The following PTK2 variants were observed in gnomAD, a reference collection of about 807,000 sequenced individuals.
PTK2 encodes the protein protein tyrosine kinase 2.
PTK2 carries 45 observed loss-of-function variants against 150.1 expected under a neutral mutation model. The ratio of observed to expected loss-of-function variants is 0.30; its 90% confidence interval spans 0.24 to 0.38. The LOEUF (loss-of-function observed/expected upper bound fraction) is 0.38, where lower values mean the gene tolerates loss of function less well. Among genes scored for constraint, PTK2 ranks in the 10% least tolerant of loss-of-function variants. PTK2 has a pLI of 1.00. For missense variants in PTK2, 919 were observed against 1,307.3 expected (o/e 0.70, Z 4.58); for synonymous variants, 432 against 449.2 (o/e 0.96, Z 0.48).
At chr8:140,807,765 A>G (rs955626243) in intron 10 of PTK2, among the ~76,000 whole-genome samples, 1 of 152,244 alleles carries the variant, frequency 6.6e-6, no homozygotes, top group African/African-American at 2.4e-5. Flanking sequence ...TATTAAAATT[A>G]ATTGCACCTA....
intron 20 of PTK2, among the ~76,000 whole-genome samples, chr8:140,741,746 G>A (rs2100055827): frequency 6.6e-6 from 1 of 152,148 alleles, no homozygotes; most frequent in South Asian, 2.1e-4. Flanking sequence ...ACATTATTCA[G>A]TAAAATATTA....
chr8:140,787,895 C>CT (rs2100085900), intron 14 of PTK2, among the ~76,000 whole-genome samples: 1 of 152,230 alleles, frequency 6.6e-6, no homozygotes, highest in African/African-American at 2.4e-5. Flanking sequence ...CTCACCTACT[C>CT]TACAGAACAT....
At chr8:140,710,397 G>C (rs75358526) in intron 23 of PTK2, among the ~76,000 whole-genome samples, 4,672 of 150,882 alleles carry the variant, frequency 0.031, 231 homozygotes, top group African/African-American at 0.11. Flanking sequence ...AAGATGGGAA[G>C]ATGGGCCGGG....
chr8:140,868,674 G>A (rs939681218), intron 4 of PTK2, among the ~76,000 whole-genome samples: 2 of 152,104 alleles, frequency 1.3e-5, no homozygotes, highest in Non-Finnish European at 2.9e-5. Context: ...CAGCCGTTTT[G>A]CCAAAAACGC....
chr8:140,856,098 G>A (rs2100132412), intron 5 of PTK2, among the ~76,000 whole-genome samples: 2 of 152,152 alleles, frequency 1.3e-5, no homozygotes, highest in African/African-American at 4.8e-5. Context: ...ATGATTATTA[G>A]TTGGTACCCA....
At chr8:140,682,638 A>G (rs2153626055) in intron 27 of PTK2, among the ~76,000 whole-genome samples, 1 of 151,972 alleles carries the variant, frequency 6.6e-6, no homozygotes, top group African/African-American at 2.4e-5. Flanking sequence ...GCTAATTAAA[A>G]AAAAAAAAAA....
At chr8:140,879,764 T>C (rs2100148133) in intron 3 of PTK2, 127 bp from the exon 4 acceptor site, 3 of 759,836 alleles carry the variant, frequency 3.9e-6, no homozygotes, top group South Asian at 4.6e-5. Context: ...GCAATGTTCA[T>C]TTCTTTTAGT....
intron 8 of PTK2, among the ~76,000 whole-genome samples, chr8:140,823,576 C>T (rs926635414): frequency 2.0e-5 from 3 of 152,004 alleles, no homozygotes; most frequent in Admixed American, 6.6e-5. Flanking sequence ...AGATTTCAGC[C>T]GTGGTGGCTT....
chr8:140,830,084 T>TACACAC (rs67413157), intron 8 of PTK2, among the ~76,000 whole-genome samples: 5 of 149,286 alleles, frequency 3.3e-5, no homozygotes, highest in African/African-American at 9.9e-5. Context: ...CGCACACACA[T>TACACAC]ACACACACAC....
intron 14 of PTK2, among the ~76,000 whole-genome samples, chr8:140,767,840 G>A (rs1045379125): frequency 6.6e-6 from 1 of 152,126 alleles, no homozygotes; most frequent in African/African-American, 2.4e-5. Flanking sequence ...GGATTGTTAA[G>A]ATAGTATTAC....
chr8:140,927,334 TTGAC>T (rs1414332864), intron 1 of PTK2: 5 of 152,230 alleles, frequency 3.3e-5, no homozygotes, highest in African/African-American at 9.7e-5. Flanking sequence ...TATCCACAGT[TTGAC>T]TGCTCACCTT....
At chr8:140,801,346 C>T (rs1490865526) in intron 11 of PTK2, among the ~76,000 whole-genome samples, 68 of 152,226 alleles carry the variant, frequency 4.5e-4, no homozygotes, top group Admixed American at 4.3e-3. Context: ...CTTTCATACA[C>T]GAGTGTATTT....
chr8:140,766,662 G>A (rs1239009758), intron 14 of PTK2, among the ~76,000 whole-genome samples: 1 of 152,178 alleles, frequency 6.6e-6, no homozygotes, highest in Non-Finnish European at 1.5e-5. Context: ...CCAAAAGAAT[G>A]AATGCACTGC....
At chr8:140,804,634 CA>C (rs1324961911) in intron 10 of PTK2, among the ~76,000 whole-genome samples, 1 of 152,166 alleles carries the variant, frequency 6.6e-6, no homozygotes, top group Admixed American at 6.5e-5. Context: ...TACATTTCTT[CA>C]AAACAATTTG....
intron 14 of PTK2, among the ~76,000 whole-genome samples, chr8:140,781,483 C>T (rs143695436): frequency 9.9e-5 from 15 of 152,158 alleles, no homozygotes; most frequent in Middle Eastern, 3.4e-3. Flanking sequence ...GTGGGGGCTG[C>T]TTGGGAGAAG....
At position 140,746,852 on chromosome 8, in the gene PTK2, G is replaced by A. The variant is rs753953419; in HGVS notation, c.1426C>T (p.Arg476Cys). ...ACAATATGAGGATGGTCAAACTGAC[G>A]CATTGTTACTAGGAAAAAAGTTCTC... Residue 476 changes from arginine (R) to cysteine (C), a missense_variant, in exon 18 of 32, where the codon CGT becomes TGT. Around this residue, in one of 3 missense-constraint regions of PTK2, gnomAD observed 555 missense variants for 880.1 expected, o/e 0.63. Coordinates refer to ENST00000522684, the Ensembl canonical transcript of PTK2. The A allele has an allele frequency of 2.4e-5, 38 of 1,601,620 alleles. No individual in the cohort carries two copies. In the East Asian group the frequency reaches 6.3e-4, roughly 26 times the overall value.
At chr8:140,697,932 C>T (rs1319857124) in intron 26 of PTK2, among the ~76,000 whole-genome samples, 1 of 130,264 alleles carries the variant, frequency 7.7e-6, no homozygotes, top group Non-Finnish European at 1.5e-5. Context: ...TAGACTTAAG[C>T]GATCTCCCTG....
At chr8:140,973,980 G>C (rs886722971) in intron 1 of PTK2, among the ~76,000 whole-genome samples, 1 of 152,098 alleles carries the variant, frequency 6.6e-6, no homozygotes, top group Non-Finnish European at 1.5e-5. Context: ...CTTTCTTACA[G>C]ATTGCCCCAT....
At chr8:140,869,075 C>A (rs1315846550) in intron 4 of PTK2, among the ~76,000 whole-genome samples, 1 of 152,092 alleles carries the variant, frequency 6.6e-6, no homozygotes, top group Non-Finnish European at 1.5e-5. Context: ...CCCACATATA[C>A]AAGACTGACC....
Sources: gnomAD v4.1 joint callset for allele counts (sites outside exome capture counted in the v4.1 genomes callset) on GRCh38, gnomAD v4.1.1 for gene constraint, gnomAD v4.1.1 regional missense constraint, MANE v1.5 for transcripts, NCBI Gene and HGNC (gene_info 2026-07-23, HGNC 2026-07-21) for gene names.